CNTNAP5: variants seen among roughly 807,000 people sequenced by gnomAD.
CNTNAP5 encodes the protein contactin-associated protein-like 5.
CNTNAP5 carries 72 observed loss-of-function variants against 150.2 expected under a neutral mutation model. The ratio of observed to expected loss-of-function variants is 0.48; its 90% CI spans 0.40 to 0.58. The LOEUF is 0.58. Among genes scored for constraint, CNTNAP5 ranks in the 20% least tolerant of loss-of-function variants. CNTNAP5 has a pLI of 0.00. For missense variants in CNTNAP5, 1,636 were observed against 1,626.2 expected, an observed-to-expected ratio of 1.01 and a Z score of -0.10; for synonymous variants, 672 against 619.8, an observed-to-expected ratio of 1.08 and a Z score of -1.25.
At chr2:124,373,222 T>C (rs1346822667) in intron 3 of CNTNAP5, among the ~76,000 whole-genome samples, 1 of 152,170 alleles carries the variant, frequency 6.6e-6, no homozygotes, top group African/African-American at 2.4e-5. Context: ...ACATAAGAAA[T>C]GATGACGAGA....
At chr2:124,653,984 G>C (rs957216296) in intron 13 of CNTNAP5, among the ~76,000 whole-genome samples, 2 of 124,180 alleles carry the variant, frequency 1.6e-5, no homozygotes, top group Non-Finnish European at 3.1e-5. Flanking sequence ...AAGGACAAAT[G>C]ACTAGAGTAT....
intron 21 of CNTNAP5, among the ~76,000 whole-genome samples, chr2:124,878,803 C>T (rs1298192835): frequency 1.3e-5 from 2 of 151,860 alleles, no homozygotes; most frequent in Non-Finnish European, 2.9e-5. Context: ...CTGTCCCAGC[C>T]TCCCAAGTAG....
intron 13 of CNTNAP5, among the ~76,000 whole-genome samples, chr2:124,734,808 T>A (rs1680348648): frequency 6.6e-6 from 1 of 152,154 alleles, no homozygotes; most frequent in Non-Finnish European, 1.5e-5. Flanking sequence ...AGCTCATTAG[T>A]GTTTAGCAAT....
intron 1 of CNTNAP5, among the ~76,000 whole-genome samples, chr2:124,163,060 T>C (rs918484845): frequency 6.6e-6 from 1 of 152,132 alleles, no homozygotes; most frequent in African/African-American, 2.4e-5. Context: ...CTTGAACCCT[T>C]TCTCCTACGA....
intron 3 of CNTNAP5, among the ~76,000 whole-genome samples, chr2:124,389,245 C>A (rs1176835362): frequency 6.6e-6 from 1 of 152,110 alleles, no homozygotes; most frequent in Admixed American, 6.6e-5. Context: ...ATATGTGTTG[C>A]TACAACTTGG....
In CNTNAP5 at chr2:124,474,067, C is replaced by T. The variant is rs983310040; in HGVS notation, c.919-672C>T. Reference sequence around the variant, plus strand: ...ATTTCCTCCCAGACTATGCTTTATGCTCAACTTCTTATTGTTGACATCATA... The same window carrying T: ...ATTTCCTCCCAGACTATGCTTTATGTTCAACTTCTTATTGTTGACATCATA... On this transcript the variant is annotated intron_variant, in intron 6 of 23. Coordinates refer to ENST00000682447, the MANE Select transcript of CNTNAP5 (RefSeq NM_001367498.1). Among the ~76,000 whole-genome samples, 4 of 151,974 alleles carry T rather than the reference C, an allele frequency of 2.6e-5. No homozygotes were observed. The East Asian group carries it at 7.7e-4, about 29-fold the overall frequency.
chr2:124,629,941 A>AAAAAAAC (rs1384500896), intron 12 of CNTNAP5, among the ~76,000 whole-genome samples: 2 of 149,702 alleles, frequency 1.3e-5, no homozygotes, highest in Non-Finnish European at 3.0e-5. Flanking sequence ...CTATGCAAAA[A>AAAAAAAC]AAAAAAAAAA....
intron 13 of CNTNAP5, among the ~76,000 whole-genome samples, chr2:124,653,468 A>C (rs143680971): frequency 6.6e-6 from 1 of 151,672 alleles, no homozygotes; most frequent in Non-Finnish European, 1.5e-5. Flanking sequence ...TGTATATACT[A>C]TATAGTATAT....
chr2:124,538,497 G>A (rs1047421733), intron 10 of CNTNAP5, among the ~76,000 whole-genome samples: 1 of 148,548 alleles, frequency 6.7e-6, no homozygotes, highest in Non-Finnish European at 1.5e-5. Flanking sequence ...AAGAGAGAGA[G>A]AAAGAGAGAC....
chr2:124,417,710 A>G, intron 4 of CNTNAP5, 120 bp downstream of exon 4: 1 of 952,708 alleles, frequency 1.0e-6, no homozygotes. Context: ...CTAGACTTTC[A>G]TATGCATATT....
At chr2:124,264,419 C>T (rs59128925) in intron 3 of CNTNAP5, among the ~76,000 whole-genome samples, 1,635 of 151,434 alleles carry the variant, frequency 0.011, 29 homozygotes, top group African/African-American at 0.035. Context: ...CACACACACA[C>T]ACACACACAC....
rs1473390468 is a variant in CNTNAP5 at position 124,510,516 on chromosome 2, T to TAC, written c.1327+5961_1327+5962insCA. 1.5e-4 allele frequency among the ~76,000 whole-genome samples: 19 copies of TAC among 123,200 alleles called. 1 individual carries two copies. Among genetic ancestry groups the TAC allele is most frequent in the African/African-American group, 6.1e-4 (18 of 29,752 alleles). 80.8% of individuals were successfully genotyped at this position (123,200 alleles called of 152,430 possible). A position where few individuals can be genotyped will look rare whatever the true frequency, so the allele number is the denominator to read the frequency against. On this transcript the variant is annotated intron_variant, in intron 8 of 23. Transcript: ENST00000682447. ...ATATATATATATATATATATATATATATACATATATCTCCATATATCAACA... is the reference window on the plus strand; with the variant it reads ...ATATATATATATATATATATATATATACATACATATATCTCCATATATCAACA...
Position 124,647,820 on chromosome 2 carries a change from A to C in CNTNAP5, c.1939A>C (p.Asn647His), listed in dbSNP as rs771257141. ...AGAGCTGACCCGAGTGCGGGGCGCT[A>C]ACCCTGAGAAGCCCTATGCCATGGC... The part of the protein sequence containing the change: ...NTELTRVRGA[N>H]PEKPYAMALD... Residue 647 changes from asparagine (N) to histidine (H), a missense_variant, in exon 13 of 24, where the codon AAC becomes CAC. Transcript: ENST00000682447. The C allele has an allele frequency of 1.3e-5, 21 of 1,613,598 alleles. No homozygotes were observed. In the East Asian group the frequency reaches 1.6e-4, roughly 12 times the overall value.
At chr2:124,400,116 G>GAAA (rs374595926) in intron 3 of CNTNAP5, among the ~76,000 whole-genome samples, 4 of 147,202 alleles carry the variant, frequency 2.7e-5, no homozygotes, top group Non-Finnish European at 4.5e-5. Flanking sequence ...GGCTTATAAT[G>GAAA]AAAAAAAAAA....
intron 7 of CNTNAP5, among the ~76,000 whole-genome samples, chr2:124,493,803 T>G (rs2104852717): frequency 6.6e-6 from 1 of 152,238 alleles, no homozygotes; most frequent in African/African-American, 2.4e-5. Flanking sequence ...TGTTCTATTT[T>G]TACTCAAGAA....
intron 4 of CNTNAP5, among the ~76,000 whole-genome samples, chr2:124,432,906 T>C (rs191968837): frequency 2.3e-4 from 35 of 152,332 alleles, no homozygotes; most frequent in African/African-American, 7.5e-4. Context: ...ACCTCTCCTA[T>C]CTATTATTGA....
At chr2:124,307,479 G>A (rs1429892332) in intron 3 of CNTNAP5, among the ~76,000 whole-genome samples, 2 of 152,170 alleles carry the variant, frequency 1.3e-5, no homozygotes, top group Admixed American at 6.5e-5. Context: ...GCTTCTCCTA[G>A]AACTCATCTT....
intron 17 of CNTNAP5, 138 bp downstream of exon 17, chr2:124,773,155 A>C: frequency 1.4e-6 from 1 of 700,422 alleles, no homozygotes; most frequent in Non-Finnish European, 2.5e-6. Context: ...GGTAAATTTC[A>C]TTCTATACAT....
At chr2:124,479,304 C>T (rs1345746332) in intron 7 of CNTNAP5, among the ~76,000 whole-genome samples, 1 of 152,146 alleles carries the variant, frequency 6.6e-6, no homozygotes, top group Non-Finnish European at 1.5e-5. Context: ...ACCTTGCACT[C>T]CATCAGAAAT....
Sources: allele counts gnomAD v4.1 joint callset (sites outside exome capture counted in the v4.1 genomes callset), GRCh38; gene constraint gnomAD v4.1.1; transcripts MANE v1.5; gene names NCBI Gene and HGNC (gene_info 2026-07-23, HGNC 2026-07-21).